Variants in TLR6 observed in about 807,000 individuals in gnomAD.
TLR6 encodes the protein toll like receptor 6, also known as toll-like receptor 6.
TLR6 carries 9 observed loss-of-function variants against 16.1 expected under a neutral mutation model. That is an observed-to-expected ratio of 0.56 (90% CI 0.34 to 0.98). The LOEUF (loss-of-function observed/expected upper bound fraction) is 0.98, where lower values mean the gene tolerates loss of function less well. Among genes scored for constraint, TLR6 ranks in the 50% least tolerant of loss-of-function variants. TLR6 has a pLI of 0.02. For synonymous variants in TLR6, 340 were observed against 338.6 expected (o/e 1.00, Z -0.04); for missense variants, 786 against 921.0 (o/e 0.85, Z 1.90).
chr4:38,828,509 G>C (rs200622535), exon 2 of TLR6: 12 of 1,614,020 alleles, frequency 7.4e-6, no homozygotes, highest in Non-Finnish European at 1.0e-5. Context: ...GTACAAAGCT[G>C]TCTGTGAAAA....
At chr4:38,857,501 T>A (rs1339063864), upstream of TLR6, among the ~76,000 whole-genome samples, 1 of 152,184 alleles carries the variant, frequency 6.6e-6, no homozygotes, top group Non-Finnish European at 1.5e-5. Flanking sequence ...AAAGGCTGAT[T>A]ACCAGAAGTC....
rs185522984 is a variant in TLR6, at chr4:38,829,384, G to A, written c.90C>T (p.Asp30=). Residue 30 remains aspartate (D), a synonymous_variant, in exon 2 of 2, where the codon GAC becomes GAT. Coordinates refer to ENST00000436693, the Ensembl canonical transcript of TLR6. Reference sequence around the variant, plus strand: ...ACTTGTCTACTGCAAATTCATTTCCGTCGGAGAACTGGATTCTGGTTCCAA... The same window carrying A: ...ACTTGTCTACTGCAAATTCATTTCCATCGGAGAACTGGATTCTGGTTCCAA... The A allele has an allele frequency of 3.5e-5, 56 of 1,613,996 alleles. No homozygotes were observed. The South Asian group carries it at 4.0e-4, about 11-fold the overall frequency.
chr4:38,861,255 CTACA>C (rs753104736), upstream of TLR6, among the ~76,000 whole-genome samples: 1 of 152,102 alleles, frequency 6.6e-6, no homozygotes, highest in Non-Finnish European at 1.5e-5. Flanking sequence ...ATTTCCATAG[CTACA>C]TAGAGACTCT....
chr4:38,836,841 G>A (rs1446954575), intron 1 of TLR6, among the ~76,000 whole-genome samples: 6 of 151,672 alleles, frequency 4.0e-5, no homozygotes, highest in Non-Finnish European at 8.8e-5. Flanking sequence ...TCAGGAGGCC[G>A]AGGCATGAGA....
At chr4:38,841,797 C>T (rs1233053741) in intron 1 of TLR6, among the ~76,000 whole-genome samples, 1 of 152,124 alleles carries the variant, frequency 6.6e-6, no homozygotes, top group Non-Finnish European at 1.5e-5. Flanking sequence ...TTTGTGAGTA[C>T]GGTTCATCTG....
chr4:38,831,293 C>CAA (rs59585432), intron 1 of TLR6, among the ~76,000 whole-genome samples: 7,880 of 140,372 alleles, frequency 0.056, 292 homozygotes, highest in Middle Eastern at 0.16. Context: ...CCTCCACATG[C>CAA]AAAAAAAAAA....
chr4:38,848,499 C>A (rs183436314), intron 1 of TLR6, among the ~76,000 whole-genome samples: 1 of 152,182 alleles, frequency 6.6e-6, no homozygotes, highest in African/African-American at 2.4e-5. Flanking sequence ...GGAGGAAGTT[C>A]GAACCCATTG....
At chr4:38,841,885 GTTTAT>G (rs1194100785) in intron 1 of TLR6, among the ~76,000 whole-genome samples, 4 of 151,946 alleles carry the variant, frequency 2.6e-5, no homozygotes, top group Non-Finnish European at 4.4e-5. Flanking sequence ...CGTCATTATT[GTTTAT>G]TTTATTTGTA....
chr4:38,849,935 T>C (rs1279891636), intron 1 of TLR6, among the ~76,000 whole-genome samples: 1 of 152,174 alleles, frequency 6.6e-6, no homozygotes, highest in Non-Finnish European at 1.5e-5. Context: ...AGAATATATA[T>C]TTTTCTCAGC....
chr4:38,858,899 G>T (rs1353514885), upstream of TLR6, among the ~76,000 whole-genome samples: 1 of 146,266 alleles, frequency 6.8e-6, no homozygotes, highest in Admixed American at 6.8e-5. Context: ...GAGAAAGAAA[G>T]AAAGAAAAGA....
rs115596000 is a variant in TLR6, at chr4:38,854,119, A to G, written c.-65+2642T>C. 5.9e-3 allele frequency among the ~76,000 whole-genome samples: 906 copies of G among 152,362 alleles called. 9 individuals carry two copies. Among genetic ancestry groups the G allele is most frequent in the African/African-American group, 0.021 (864 of 41,588 alleles). ...CAAAATTAAGTTTACTGTACTATTT[A>G]CTGAATAATTTGCCAAAAATCAATT... On this transcript the variant is annotated intron_variant, in intron 1 of 1. Coordinates refer to ENST00000436693, the Ensembl canonical transcript of TLR6.
chr4:38,867,628 T>C, the TLR6 span: 2 of 151,418 alleles, frequency 1.3e-5, no homozygotes, highest in Non-Finnish European at 2.9e-5. Context: ...ACAAGCCAAG[T>C]TTCCAGGAGA....
chr4:38,850,253 A>G (rs1712711345), intron 1 of TLR6, among the ~76,000 whole-genome samples: 1 of 152,254 alleles, frequency 6.6e-6, no homozygotes, highest in South Asian at 2.1e-4. Context: ...AATTTATAGC[A>G]CTAAATGCCC....
chr4:38,849,604 C>CA (rs1181153088), intron 1 of TLR6, among the ~76,000 whole-genome samples: 1 of 151,522 alleles, frequency 6.6e-6, no homozygotes, highest in African/African-American at 2.4e-5. Context: ...AAATGGAAAA[C>CA]AAAAAAAGGC....
chr4:38,827,659 G>A (rs1223411725), exon 2 of TLR6: 1 of 1,614,120 alleles, frequency 6.2e-7, no homozygotes, highest in East Asian at 2.2e-5. Flanking sequence ...AGTAGATGCA[G>A]AGGGAGGTCA....
At chr4:38,838,292 C>A (rs1468711185) in intron 1 of TLR6, among the ~76,000 whole-genome samples, 1 of 152,222 alleles carries the variant, frequency 6.6e-6, no homozygotes, top group African/African-American at 2.4e-5. Flanking sequence ...GATACCTGCA[C>A]CTCCATGTTC....
upstream of TLR6, among the ~76,000 whole-genome samples, chr4:38,858,849 AAG>A (rs1713119724): frequency 8.7e-5 from 8 of 91,522 alleles, no homozygotes; most frequent in African/African-American, 3.8e-4. Context: ...GAAAGAAAGA[AAG>A]AAAGAAAGAA....
At chr4:38,843,172 G>A (rs1560269041) in intron 1 of TLR6, among the ~76,000 whole-genome samples, 1 of 152,166 alleles carries the variant, frequency 6.6e-6, no homozygotes, top group Non-Finnish European at 1.5e-5. Flanking sequence ...AAGAATACTT[G>A]ACTGAGGCAG....
intron 1 of TLR6, among the ~76,000 whole-genome samples, chr4:38,834,944 A>G (rs1015955200): frequency 6.6e-6 from 1 of 152,372 alleles, no homozygotes; most frequent in Middle Eastern, 3.4e-3. Context: ...AAAACACATG[A>G]AAGTATAAAA....
Sources: allele counts gnomAD v4.1 joint callset (sites outside exome capture counted in the v4.1 genomes callset), GRCh38; gene constraint gnomAD v4.1.1; transcripts MANE v1.5; gene names NCBI Gene and HGNC (gene_info 2026-07-23, HGNC 2026-07-21).